Variants in NR1H3 observed in about 807,000 individuals in gnomAD.
NR1H3 encodes the protein oxysterols receptor LXR-alpha.
A neutral mutation model predicts 48.1 loss-of-function variants in NR1H3; 19 were observed. The ratio of observed to expected loss-of-function variants is 0.40; its 90% CI spans 0.28 to 0.58. The LOEUF is 0.58. Among genes scored for constraint, NR1H3 ranks in the 20% least tolerant of loss-of-function variants. The pLI is 0.50. For missense variants in NR1H3, 486 were observed against 595.9 expected, an observed-to-expected ratio of 0.82 and a Z score of 1.92; for synonymous variants, 232 against 227.3, an observed-to-expected ratio of 1.02 and a Z score of -0.19.
intron 7 of NR1H3, among the ~76,000 whole-genome samples, chr11:47,264,939 T>C (rs1396453928): frequency 6.6e-6 from 1 of 152,176 alleles, no homozygotes; most frequent in African/African-American, 2.4e-5. Context: ...TTAATTTCTC[T>C]ATAAAGGGGG....
At chr11:47,248,312 G>GAATT, upstream of NR1H3, 1 of 1,034,404 alleles carries the variant, frequency 9.7e-7, no homozygotes, top group Non-Finnish European at 1.4e-6. Flanking sequence ...TTCTAACTTA[G>GAATT]CTAAGCAATG....
intron 7 of NR1H3, among the ~76,000 whole-genome samples, chr11:47,265,221 A>G (rs1012047171): frequency 6.6e-6 from 1 of 152,024 alleles, no homozygotes. Context: ...TTGAACCAGA[A>G]GGCTGAGGTT....
Position 47,259,726 on chromosome 11 carries a change from G to A in NR1H3, c.44-65G>A, listed in dbSNP as rs1395470466. ...GGATAAGTTTGCAGTTTCCCAGCTA[G>A]GACGCTGGGCCGTGGAGCCGGGATG... On this transcript the variant is annotated intron_variant, in intron 2 of 9. Transcript: ENST00000441012. 8 of 1,603,598 alleles carry A rather than the reference G, an allele frequency of 5.0e-6. No individual in the cohort carries two copies. The Admixed American group carries it at 1.3e-4, about 27-fold the overall frequency.
At chr11:47,254,653 C>T (rs1954927670), upstream of NR1H3, among the ~76,000 whole-genome samples, 1 of 152,104 alleles carries the variant, frequency 6.6e-6, no homozygotes, top group Non-Finnish European at 1.5e-5. Flanking sequence ...ATGGGGGTGT[C>T]ACAGGGGCTT....
chr11:47,255,631 TTCTTTC>T (rs1305182438), upstream of NR1H3, among the ~76,000 whole-genome samples: 1 of 130,428 alleles, frequency 7.7e-6, no homozygotes, highest in Non-Finnish European at 1.7e-5. Context: ...CTTTCTTTCT[TTCTTTC>T]TTTCTTTCTT....
chr11:47,267,851 A>T, intron 7 of NR1H3, 62 bp from the exon 8 acceptor site: 2 of 1,149,970 alleles, frequency 1.7e-6, no homozygotes, highest in South Asian at 2.5e-5. Context: ...CCCTAAGGTG[A>T]GGAGAGAAGA....
At chr11:47,264,279 C>G (rs1470270954) in intron 7 of NR1H3, among the ~76,000 whole-genome samples, 1 of 152,148 alleles carries the variant, frequency 6.6e-6, no homozygotes, top group African/African-American at 2.4e-5. Context: ...GCTGGTAGAT[C>G]TGTGGCCAGG....
chr11:47,266,484 C>A (rs1210636386), intron 7 of NR1H3, among the ~76,000 whole-genome samples: 2 of 151,904 alleles, frequency 1.3e-5, no homozygotes, highest in Admixed American at 1.3e-4. Context: ...TACAGGTGCG[C>A]CACCATGCCC....
chr11:47,268,733 A>G lies in NR1H3; in HGVS notation c.*37A>G. 1 of 1,605,280 alleles carries G rather than the reference A, an allele frequency of 6.2e-7. No individual in the cohort carries two copies. The highest frequency in any genetic ancestry group is 1.1e-5 in the South Asian group (1 of 90,402). On this transcript the variant is annotated 3_prime_UTR_variant, in exon 10 of 10. Transcript: ENST00000441012. ...CCATATTTTCTGTTTTCTTGGCCGG[A>G]TGGCTGAGGCCTGGTGGCTGCCTCC... is the stretch of plus-strand genomic sequence containing the variant.
rs1182630503 is a variant in NR1H3, at chr11:47,259,631, C to T, written c.44-160C>T. 4 of 1,471,050 alleles carry T rather than the reference C, an allele frequency of 2.7e-6. No individual in the cohort carries two copies. In the East Asian group the frequency reaches 7.3e-5, roughly 27 times the overall value. 91.1% of individuals were successfully genotyped at this position (1,471,050 alleles called of 1,614,324 possible). A position where few individuals can be genotyped will look rare whatever the true frequency, so the allele number is the denominator to read the frequency against. On this transcript the variant is annotated intron_variant, in intron 2 of 9. Coordinates refer to ENST00000441012, the MANE Select transcript of NR1H3 (RefSeq NM_005693.4). Reference sequence around the variant, plus strand: ...TGTAAGAAACTACAAGTGACTAGTCCTAGCTAGAGCCCACACAGACTCTAG... The same window carrying T: ...TGTAAGAAACTACAAGTGACTAGTCTTAGCTAGAGCCCACACAGACTCTAG...
upstream of NR1H3, among the ~76,000 whole-genome samples, chr11:47,255,541 T>TTC (rs1375767131): frequency 8.1e-3 from 579 of 71,408 alleles, 4 homozygotes; most frequent in Non-Finnish European, 0.012. Flanking sequence ...CTTTCTTTCT[T>TTC]TTTCTTTCTT....
intron 9 of NR1H3, 69 bp from the exon 10 acceptor site, chr11:47,268,481 A>G (rs1957460189): frequency 1.2e-6 from 2 of 1,601,152 alleles, no homozygotes; most frequent in African/African-American, 2.7e-5. Flanking sequence ...CTCTCCCACA[A>G]CTCCCCTACT....
chr11:47,261,444 G>A lies in NR1H3; in HGVS notation c.703G>A (p.Val235Ile), dbSNP rs935343625. ...GCGCTCCTTTTCTGACCGGCTTCGA[G>A]TCACGGTACTTGACACACCTGGGGA... is the stretch of plus-strand genomic sequence containing the variant. ...NRRSFSDRLRVTPWPMAPDPH... is the reference protein window; with the variant it reads ...NRRSFSDRLRITPWPMAPDPH... Residue 235 changes from valine (V) to isoleucine (I), a missense_variant, in exon 5 of 10, where the codon GTC becomes ATC. Coordinates refer to ENST00000441012, the MANE Select transcript of NR1H3 (RefSeq NM_005693.4). The A allele has an allele frequency of 6.2e-7, 1 of 1,613,950 alleles. No homozygotes were observed. Among genetic ancestry groups the A allele is most frequent in the Non-Finnish European group, 8.5e-7 (1 of 1,179,972 alleles).
Position 47,267,956 on chromosome 11 carries a change from G to A in NR1H3, c.1032G>A (p.Arg344=), listed in dbSNP as rs370616663. 20 of 1,613,950 alleles carry A rather than the reference G, an allele frequency of 1.2e-5. No homozygotes were observed. Among genetic ancestry groups the A allele is most frequent in the Non-Finnish European group, 1.7e-5 (20 of 1,180,022 alleles). ...TCAACCCCATCTTCGAGTTCTCCAGGGCCATGAATGAGCTGCAACTCAATG... is the reference window on the plus strand; with the variant it reads ...TCAACCCCATCTTCGAGTTCTCCAGAGCCATGAATGAGCTGCAACTCAATG... The part of the protein sequence containing the change: ...EFINPIFEFS[R]AMNELQLNDA... The change falls in exon 8 of 10, where the codon AGG becomes AGA. Residue 344 remains arginine, a synonymous_variant. Coordinates refer to ENST00000441012, the MANE Select transcript of NR1H3 (RefSeq NM_005693.4).
At chr11:47,249,097 C>G in intron 1 of NR1H3, 3 of 1,192,566 alleles carry the variant, frequency 2.5e-6, no homozygotes, top group Non-Finnish European at 3.4e-6. Flanking sequence ...AATCCCTTAC[C>G]AAGGTGGCAC....
upstream of NR1H3, among the ~76,000 whole-genome samples, chr11:47,255,241 G>T (rs1221358781): frequency 2.0e-5 from 3 of 152,210 alleles, no homozygotes; most frequent in African/African-American, 7.2e-5. Context: ...TCTGGGTTCT[G>T]ATCCCAGCCC....
rs150191308 is a variant in NR1H3, at chr11:47,261,941, G to A, written c.911G>A (p.Arg304Gln). The A allele has an allele frequency of 1.9e-5, 30 of 1,614,026 alleles. No homozygotes were observed. The African/African-American group carries it at 1.9e-4, about 10-fold the overall frequency. The change falls in exon 7 of 10, where the codon CGG becomes CAG. Residue 304 changes from arginine (R) to glutamine (Q), a missense_variant. By Grantham distance (43) the Arg-to-Gln change is conservative. Transcript: ENST00000441012. Reference sequence around the variant, plus strand: ...CAGGTGATGCTTCTGGAGACATCTCGGAGGTACAACCCTGGGAGTGAGAGT... The same window carrying A: ...CAGGTGATGCTTCTGGAGACATCTCAGAGGTACAACCCTGGGAGTGAGAGT... ...AIEVMLLETSRRYNPGSESIT... is the reference protein window; with the variant it reads ...AIEVMLLETSQRYNPGSESIT...
chr11:47,258,591 C>G (rs1186339761), intron 1 of NR1H3: 1 of 152,266 alleles, frequency 6.6e-6, no homozygotes, highest in Non-Finnish European at 1.5e-5. Context: ...ACTCTACCGC[C>G]GCCTAACTGT....
At chr11:47,263,112 T>C (rs969176971) in intron 7 of NR1H3, among the ~76,000 whole-genome samples, 2 of 152,068 alleles carry the variant, frequency 1.3e-5, no homozygotes, top group Non-Finnish European at 1.5e-5. Context: ...TAAATCTGCA[T>C]TATATATTGC....
Sources: allele counts gnomAD v4.1 joint callset (sites outside exome capture counted in the v4.1 genomes callset), GRCh38; gene constraint gnomAD v4.1.1; transcripts MANE v1.5; gene names NCBI Gene and HGNC (gene_info 2026-07-23, HGNC 2026-07-21).